Variants in ERVK3-1 observed in about 807,000 individuals in gnomAD.
The protein encoded by ERVK3-1 is HERV-K(HML6-1).
At chr19:58,314,602 G>C in intron 3 of ERVK3-1, 146 bp from the exon 4 acceptor site, 1 of 346,014 alleles carries the variant, frequency 2.9e-6, no homozygotes, top group African/African-American at 2.5e-5. Flanking sequence ...ACTCCAGCCT[G>C]GGTGACAGAG....
Position 58,310,830 on chromosome 19 carries a change from G to T in ERVK3-1, c.-3-1336G>T. The T allele has an allele frequency of 5.3e-6, 2 of 376,964 alleles. No homozygotes were observed. Among genetic ancestry groups the T allele is most frequent in the South Asian group, 1.9e-5 (1 of 52,780 alleles). The allele number at this position is 376,964 out of a possible 1,614,324, so 23.4% of individuals were successfully genotyped here. On this transcript the variant is annotated intron_variant, in intron 2 of 3. Coordinates refer to ENST00000413518, the Ensembl canonical transcript of ERVK3-1. This position sits in a 1 kb window ranked among gnomAD's most constrained non-coding sequence, Gnocchi z 4.7. ...AACCTCCCCCAGGGAAAGGGAGACCGCCCCCCACCCTTTCCCGGTCTGCTA... is the reference window on the plus strand; with the variant it reads ...AACCTCCCCCAGGGAAAGGGAGACCTCCCCCCACCCTTTCCCGGTCTGCTA...
downstream of ERVK3-1, among the ~76,000 whole-genome samples, chr19:58,316,302 G>A (rs2051592314): frequency 6.6e-6 from 1 of 152,112 alleles, no homozygotes; most frequent in African/African-American, 2.4e-5. Context: ...TTTTACCCCT[G>A]ACTGATGAGG....
exon 4 of ERVK3-1, chr19:58,314,886 C>T (rs764662711): frequency 2.5e-6 from 1 of 397,768 alleles, no homozygotes; most frequent in East Asian, 3.6e-5. Context: ...CAGTATACCA[C>T]TGGAGGCTCT....
At chr19:58,316,639 C>T (rs182771877), downstream of ERVK3-1, among the ~76,000 whole-genome samples, 76 of 152,300 alleles carry the variant, frequency 5.0e-4, no homozygotes, top group African/African-American at 1.0e-3. Context: ...CCTTTGCACT[C>T]CAGCCTGGGC....
chr19:58,314,552 G>C (rs112567465), intron 3 of ERVK3-1, among the ~76,000 whole-genome samples, 196 bp from the exon 4 acceptor site: 3 of 148,816 alleles, frequency 2.0e-5, no homozygotes, highest in Non-Finnish European at 3.0e-5. Flanking sequence ...ACGTGAACCC[G>C]GGAGGCAGAG....
downstream of ERVK3-1, among the ~76,000 whole-genome samples, chr19:58,316,023 A>G (rs1002046726): frequency 1.4e-4 from 21 of 152,144 alleles, no homozygotes; most frequent in African/African-American, 5.1e-4. Flanking sequence ...AGGCCAAGCA[A>G]TGTGGAGACA....
downstream of ERVK3-1, among the ~76,000 whole-genome samples, chr19:58,315,932 C>T (rs1294897992): frequency 2.0e-5 from 3 of 152,192 alleles, no homozygotes; most frequent in East Asian, 5.8e-4. Context: ...GGAAACAAAC[C>T]TGTCTCTGCA....
At chr19:58,307,132 G>C (rs1295359659) in intron 2 of ERVK3-1, among the ~76,000 whole-genome samples, 1 of 152,232 alleles carries the variant, frequency 6.6e-6, no homozygotes, top group Non-Finnish European at 1.5e-5. Flanking sequence ...TCCAGATGCT[G>C]CTTACCATCA....
chr19:58,307,800 A>G (rs1323969104), intron 2 of ERVK3-1, among the ~76,000 whole-genome samples: 1 of 152,190 alleles, frequency 6.6e-6, no homozygotes, highest in African/African-American at 2.4e-5. Context: ...TTCCCCATCC[A>G]GGCCACAACC....
rs1261681905 is a variant in ERVK3-1 at position 58,312,675 on chromosome 19, C to T, written c.294+213C>T. Among the ~76,000 whole-genome samples the T allele has an allele frequency of 4.6e-5, 7 of 152,178 alleles. No homozygotes were observed. Among genetic ancestry groups the T allele is most frequent in the Non-Finnish European group, 1.0e-4 (7 of 68,028 alleles). On this transcript the variant is annotated intron_variant, in intron 3 of 3. Transcript: ENST00000413518. This position sits in a 1 kb window ranked among gnomAD's most constrained non-coding sequence, Gnocchi z 4.7. ...CTCCCTTTATGTATCACCATGGATA[C>T]GTCACTCAACTGCAGCTGTCTTGCA... is the stretch of plus-strand genomic sequence containing the variant.
intron 2 of ERVK3-1, chr19:58,311,910 C>T (rs373275117): frequency 3.4e-5 from 10 of 291,884 alleles, no homozygotes; most frequent in East Asian, 5.5e-5. Context: ...AACACTACAA[C>T]GCATGCTGAA....
At chr19:58,307,841 T>C (rs1190143196) in intron 2 of ERVK3-1, among the ~76,000 whole-genome samples, 1 of 152,154 alleles carries the variant, frequency 6.6e-6, no homozygotes, top group East Asian at 1.9e-4. Context: ...TGGAGGAACA[T>C]TGACTCCCTC....
At chr19:58,307,420 T>C (rs1168763360) in intron 2 of ERVK3-1, among the ~76,000 whole-genome samples, 2 of 152,232 alleles carry the variant, frequency 1.3e-5, no homozygotes, top group African/African-American at 4.8e-5. Context: ...TGTCAGGATG[T>C]GGGAACTGAA....
intron 2 of ERVK3-1, chr19:58,306,498 T>A (rs2051524760): frequency 6.6e-6 from 1 of 152,198 alleles, no homozygotes; most frequent in Admixed American, 6.5e-5. Flanking sequence ...ATCCTTCTAT[T>A]TTCTCTGCTT....
chr19:58,312,057 A>G lies in ERVK3-1; in HGVS notation c.-3-109A>G, dbSNP rs1301481803. The G allele has an allele frequency of 2.5e-6, 1 of 398,018 alleles. No individual in the cohort carries two copies. 24.7% of individuals were successfully genotyped at this position (398,018 alleles called of 1,614,324 possible). ...ACGACACTGGCAACTGCTAGAGGAAAAGAGGCAAGTTTATCCAAAAGTGTT... is the reference window on the plus strand; with the variant it reads ...ACGACACTGGCAACTGCTAGAGGAAGAGAGGCAAGTTTATCCAAAAGTGTT... On this transcript the variant is annotated intron_variant, in intron 2 of 3. Transcript: ENST00000413518. This position sits in a 1 kb window ranked among gnomAD's most constrained non-coding sequence, Gnocchi z 4.7.
chr19:58,316,790 A>G (rs954712900), downstream of ERVK3-1, among the ~76,000 whole-genome samples: 9 of 152,260 alleles, frequency 5.9e-5, no homozygotes, highest in African/African-American at 1.9e-4. Context: ...CATTTTATTA[A>G]TAAAATCCAA....
At chr19:58,305,749 C>G (rs564322065) in intron 1 of ERVK3-1, among the ~76,000 whole-genome samples, 8 of 152,300 alleles carry the variant, frequency 5.3e-5, no homozygotes, top group African/African-American at 1.7e-4. Flanking sequence ...GCAAACTGTT[C>G]TCATGAAAGC....
downstream of ERVK3-1, among the ~76,000 whole-genome samples, chr19:58,316,358 T>G (rs1025100240): frequency 6.6e-6 from 1 of 152,106 alleles, no homozygotes; most frequent in African/African-American, 2.4e-5. Context: ...GCCATCAGAG[T>G]ATGGTTGGCA....
In ERVK3-1 at chr19:58,313,538, G is replaced by T. The variant is rs564789798; in HGVS notation, c.294+1076G>T. 6.6e-6 allele frequency among the ~76,000 whole-genome samples: 1 copy of T among 152,228 alleles called. No homozygotes were observed. The highest frequency in any genetic ancestry group is 2.1e-4 in the South Asian group (1 of 4,824). On this transcript the variant is annotated intron_variant, in intron 3 of 3. Transcript: ENST00000413518. This position sits in a 1 kb window ranked among gnomAD's most constrained non-coding sequence, Gnocchi z 4.5. ...GAATTCCTGACCTCGTGATCCACCCGCCTTGGCTTCCCAAAGTGCTGGGAT... is the reference window on the plus strand; with the variant it reads ...GAATTCCTGACCTCGTGATCCACCCTCCTTGGCTTCCCAAAGTGCTGGGAT...
Sources: gnomAD v4.1 joint callset for allele counts (sites outside exome capture counted in the v4.1 genomes callset) on GRCh38, gnomAD v4.1.1 for gene constraint, Gnocchi (gnomAD v3.1) non-coding constraint, MANE v1.5 for transcripts, NCBI Gene and HGNC (gene_info 2026-07-23, HGNC 2026-07-21) for gene names.